COL14A1: variants seen among roughly 807,000 people sequenced by gnomAD.
The protein encoded by COL14A1 is collagen type XIV alpha 1 chain, also known as collagen alpha-1(XIV) chain.
In COL14A1, 136 loss-of-function variants were observed where a neutral mutation model predicts 230.3. The observed-to-expected ratio is 0.59, with a 90% CI of 0.51 to 0.68. The LOEUF (loss-of-function observed/expected upper bound fraction) is 0.68. Among genes scored for constraint, COL14A1 ranks in the 30% least tolerant of loss-of-function variants. COL14A1 has a pLI of 0.00. For synonymous variants in COL14A1, 792 were observed against 784.1 expected, an observed-to-expected ratio of 1.01 and a Z score of -0.17; for missense variants, 1,976 against 2,215.8, an observed-to-expected ratio of 0.89 and a Z score of 2.17.
chr8:120,315,707 G>A, intron 39 of COL14A1, 121 bp downstream of exon 39: 1 of 867,010 alleles, frequency 1.2e-6, no homozygotes, highest in East Asian at 2.6e-5. Context: ...ATTAAAGACT[G>A]CCTGTATTCA....
Position 120,216,336 on chromosome 8 carries a change from C to A in COL14A1, c.1598-15C>A. The A allele has an allele frequency of 6.3e-7, 1 of 1,588,048 alleles. No individual in the cohort carries two copies. The highest frequency in any genetic ancestry group is 1.2e-5 in the South Asian group (1 of 86,490). ...TTTGACATTTTAATTATTTTCTATT[C>A]CATTTACTGCCAAGTGGCTTTAAGT... On this transcript the variant is annotated splice_polypyrimidine_tract_variant and intron_variant, in intron 13 of 47. Transcript: ENST00000297848.
chr8:120,286,510 T>A (rs1820207571), intron 33 of COL14A1, among the ~76,000 whole-genome samples: 1 of 152,146 alleles, frequency 6.6e-6, no homozygotes, highest in African/African-American at 2.4e-5. Flanking sequence ...TTTATTTATT[T>A]ATTAATTTAT....
chr8:120,201,552 T>C (rs541223119), intron 8 of COL14A1, among the ~76,000 whole-genome samples: 79 of 152,350 alleles, frequency 5.2e-4, no homozygotes, highest in Non-Finnish European at 1.0e-3. Flanking sequence ...GATTTAACCA[T>C]ACGGTAGCTT....
intron 21 of COL14A1, among the ~76,000 whole-genome samples, chr8:120,249,010 C>G (rs934432047): frequency 3.5e-5 from 5 of 141,806 alleles, no homozygotes; most frequent in African/African-American, 1.3e-4. Flanking sequence ...ACTGCAAGCT[C>G]CGCCTCCCGG....
intron 44 of COL14A1, among the ~76,000 whole-genome samples, chr8:120,345,022 G>A (rs374729671): frequency 3.9e-5 from 6 of 152,098 alleles, no homozygotes; most frequent in African/African-American, 9.7e-5. Flanking sequence ...AATAACTTGG[G>A]GAGTAATTGC....
At chr8:120,335,113 T>C (rs1305792814) in intron 42 of COL14A1, among the ~76,000 whole-genome samples, 2 of 152,018 alleles carry the variant, frequency 1.3e-5, no homozygotes, top group Admixed American at 1.3e-4. Context: ...AGGAAAGAAA[T>C]GCAGGCTCTG....
At chr8:120,337,068 T>C (rs1031520626) in intron 42 of COL14A1, among the ~76,000 whole-genome samples, 3 of 152,138 alleles carry the variant, frequency 2.0e-5, no homozygotes, top group African/African-American at 7.2e-5. Context: ...GTCTAACACA[T>C]AGAGAGTACT....
At chr8:120,167,494 G>A (rs755938229) in intron 4 of COL14A1, among the ~76,000 whole-genome samples, 1 of 152,178 alleles carries the variant, frequency 6.6e-6, no homozygotes. Flanking sequence ...AAGCAGCTGT[G>A]CAGTTTTAAG....
chr8:120,330,215 C>T (rs986080009), intron 40 of COL14A1, among the ~76,000 whole-genome samples: 4 of 152,170 alleles, frequency 2.6e-5, no homozygotes, highest in Non-Finnish European at 4.4e-5. Context: ...GGTGAGCCCA[C>T]GCATCCCCTG....
chr8:120,160,544 C>T (rs1020340001), intron 3 of COL14A1, among the ~76,000 whole-genome samples: 2 of 152,144 alleles, frequency 1.3e-5, no homozygotes, highest in Admixed American at 1.3e-4. Flanking sequence ...GCTTAGACAT[C>T]TCCCATGATA....
chr8:120,291,559 C>CAAAAAAAAAAAAAAAAAAAAAAACAA (rs375963111), intron 34 of COL14A1, among the ~76,000 whole-genome samples: 1 of 41,636 alleles, frequency 2.4e-5, no homozygotes, highest in Non-Finnish European at 4.7e-5. Context: ...GACTCCATCT[C>CAAAAAAAAAAAAAAAAAAAAAAACAA]AAAAAAAAAA....
At chr8:120,126,052 A>G (rs1005540887) in intron 1 of COL14A1, among the ~76,000 whole-genome samples, 1 of 152,200 alleles carries the variant, frequency 6.6e-6, no homozygotes, top group African/African-American at 2.4e-5. Context: ...AGGCACCGCC[A>G]GGTTGTAATA....
chr8:120,163,483 G>T (rs965396235), intron 4 of COL14A1, among the ~76,000 whole-genome samples: 2 of 152,210 alleles, frequency 1.3e-5, no homozygotes, highest in African/African-American at 2.4e-5. Context: ...GTCCACACAG[G>T]CTGGGTGCGT....
intron 26 of COL14A1, among the ~76,000 whole-genome samples, chr8:120,276,698 A>T (rs762272336): frequency 6.7e-4 from 101 of 151,550 alleles, no homozygotes; most frequent in Non-Finnish European, 1.2e-3. Flanking sequence ...GGTGGGGGTA[A>T]GGGGGAGGGA....
intron 45 of COL14A1, among the ~76,000 whole-genome samples, chr8:120,358,224 G>A (rs569135474): frequency 1.1e-4 from 16 of 152,146 alleles, no homozygotes; most frequent in Admixed American, 2.0e-4. Flanking sequence ...TAATCCCACC[G>A]CATTAGTGTG....
At chr8:120,370,770 C>T (rs2130407407) in intron 47 of COL14A1, 5 of 1,376,122 alleles carry the variant, frequency 3.6e-6, no homozygotes, top group South Asian at 2.4e-5. Flanking sequence ...GACCACCCTA[C>T]TCTCCCTTCC....
chr8:120,317,544 G>A (rs1271068412), intron 40 of COL14A1, among the ~76,000 whole-genome samples: 7 of 152,326 alleles, frequency 4.6e-5, no homozygotes, highest in Non-Finnish European at 7.3e-5. Context: ...GGCAAAGGGC[G>A]TAGGCTAAGA....
intron 4 of COL14A1, 76 bp from the exon 5 acceptor site, chr8:120,168,085 G>C (rs1160318434): frequency 2.0e-6 from 2 of 1,024,606 alleles, no homozygotes; most frequent in African/African-American, 3.2e-5. Flanking sequence ...GCTTTCAAGG[G>C]TTTTAGTAAA....
At chr8:120,156,213 A>G (rs1815473908) in intron 2 of COL14A1, among the ~76,000 whole-genome samples, 1 of 150,116 alleles carries the variant, frequency 6.7e-6, no homozygotes. Flanking sequence ...TGTCTCGTCC[A>G]GGCTGGAGTG....
Sources: allele counts gnomAD v4.1 joint callset (sites outside exome capture counted in the v4.1 genomes callset), GRCh38; gene constraint gnomAD v4.1.1; transcripts MANE v1.5; gene names NCBI Gene and HGNC (gene_info 2026-07-23, HGNC 2026-07-21).